The following UVRAG variants were observed in gnomAD, a reference collection of about 807,000 sequenced individuals.
UVRAG encodes the protein UV radiation resistance associated, also known as UV radiation resistance-associated gene protein.
A neutral mutation model predicts 78.0 loss-of-function variants in UVRAG; 19 were observed. That is an observed-to-expected ratio of 0.24 (90% CI 0.17 to 0.36). UVRAG has a LOEUF of 0.36. Among genes scored for constraint, UVRAG ranks in the 10% least tolerant of loss-of-function variants. The probability of loss-of-function intolerance (pLI) is 1.00; values close to 1 mark genes in which losing one functional copy is unlikely to be tolerated. For synonymous variants in UVRAG, 323 were observed against 324.6 expected, an observed-to-expected ratio of 1.00 and a Z score of 0.05; for missense variants, 740 against 853.8, an observed-to-expected ratio of 0.87 and a Z score of 1.66.
chr11:75,828,467 C>CCAGTCTGAT (rs1329893017), intron 1 of UVRAG, among the ~76,000 whole-genome samples: 1 of 147,546 alleles, frequency 6.8e-6, no homozygotes, highest in African/African-American at 2.5e-5. Flanking sequence ...AAAAAAGACA[C>CCAGTCTGAT]CAGTCTGATG....
intron 8 of UVRAG, among the ~76,000 whole-genome samples, chr11:75,985,126 T>C (rs1949472928): frequency 6.6e-6 from 1 of 151,944 alleles, no homozygotes; most frequent in East Asian, 1.9e-4. Flanking sequence ...TGTTGCTCCT[T>C]CCTACATCCT....
chr11:76,005,028 A>G (rs992850258), intron 9 of UVRAG, among the ~76,000 whole-genome samples: 1 of 152,070 alleles, frequency 6.6e-6, no homozygotes, highest in South Asian at 2.1e-4. Flanking sequence ...TCTTCAAAAA[A>G]CTTTAGCAGT....
At chr11:75,832,606 G>A (rs888286659) in intron 1 of UVRAG, among the ~76,000 whole-genome samples, 2 of 152,112 alleles carry the variant, frequency 1.3e-5, no homozygotes, top group African/African-American at 4.8e-5. Flanking sequence ...CTCTGTTTAG[G>A]GTTTCAGGGA....
intron 13 of UVRAG, among the ~76,000 whole-genome samples, chr11:76,102,063 CCT>C (rs1331259777): frequency 6.6e-6 from 1 of 152,000 alleles, no homozygotes; most frequent in African/African-American, 2.4e-5. Context: ...GGCTATTCAG[CCT>C]CTTTTTTGGT....
intron 6 of UVRAG, among the ~76,000 whole-genome samples, chr11:75,952,617 A>G (rs1054495834): frequency 1.3e-5 from 2 of 152,144 alleles, no homozygotes; most frequent in Admixed American, 6.5e-5. Flanking sequence ...ACAGAATGGT[A>G]TAACCTACTC....
At chr11:76,053,166 T>C (rs1488826629) in intron 12 of UVRAG, among the ~76,000 whole-genome samples, 3 of 151,332 alleles carry the variant, frequency 2.0e-5, no homozygotes, top group Non-Finnish European at 4.4e-5. Context: ...ATTAGCTGGG[T>C]ATGGTGGTGT....
At chr11:76,059,328 T>C (rs11236609) in intron 12 of UVRAG, among the ~76,000 whole-genome samples, 3,396 of 152,326 alleles carry the variant, frequency 0.022, 56 homozygotes, top group Non-Finnish European at 0.033. Flanking sequence ...AAAAACTATG[T>C]CTTTTCTGTT....
intron 12 of UVRAG, among the ~76,000 whole-genome samples, chr11:76,038,288 C>T (rs542921633): frequency 3.4e-4 from 51 of 151,852 alleles, no homozygotes; most frequent in African/African-American, 1.2e-3. Flanking sequence ...TAACACAGTT[C>T]ATGAAAATGG....
At chr11:76,095,789 T>A (rs945209417) in intron 13 of UVRAG, among the ~76,000 whole-genome samples, 2 of 148,934 alleles carry the variant, frequency 1.3e-5, no homozygotes, top group African/African-American at 5.0e-5. Flanking sequence ...CAAGATTGCT[T>A]GAGCCCAATA....
chr11:76,118,816 C>T (rs917776566), intron 14 of UVRAG, among the ~76,000 whole-genome samples: 1 of 152,108 alleles, frequency 6.6e-6, no homozygotes, highest in Non-Finnish European at 1.5e-5. Context: ...ATTGAGCAAA[C>T]ATGATGAGGT....
chr11:75,984,617 A>C (rs959634635), intron 8 of UVRAG, among the ~76,000 whole-genome samples: 12 of 152,194 alleles, frequency 7.9e-5, no homozygotes, highest in Non-Finnish European at 1.8e-4. Flanking sequence ...ATCTCAATCA[A>C]GAAACAGGAC....
chr11:76,049,224 A>T (rs1950818391), intron 12 of UVRAG, among the ~76,000 whole-genome samples: 1 of 152,220 alleles, frequency 6.6e-6, no homozygotes, highest in Non-Finnish European at 1.5e-5. Flanking sequence ...TGGGGCTGGA[A>T]TCTGACCCTG....
intron 6 of UVRAG, among the ~76,000 whole-genome samples, chr11:75,960,654 C>T (rs773670022): frequency 2.0e-5 from 3 of 152,038 alleles, no homozygotes; most frequent in Non-Finnish European, 4.4e-5. Context: ...GTAGTCCCAG[C>T]TATTTGGGGG....
intron 12 of UVRAG, 46 bp downstream of exon 12, chr11:76,017,026 A>G (rs1193908424): frequency 6.3e-6 from 9 of 1,435,030 alleles, no homozygotes; most frequent in Non-Finnish European, 8.5e-6. Flanking sequence ...TCAAGCCAGT[A>G]TAAAACATGG....
At chr11:76,085,012 C>G (rs1036936123) in intron 13 of UVRAG, among the ~76,000 whole-genome samples, 5 of 141,850 alleles carry the variant, frequency 3.5e-5, no homozygotes, top group African/African-American at 1.3e-4. Flanking sequence ...TGCAGTGAGC[C>G]GAGATTGCAC....
chr11:76,038,765 A>C (rs1950587092), intron 12 of UVRAG, among the ~76,000 whole-genome samples: 1 of 152,234 alleles, frequency 6.6e-6, no homozygotes, highest in African/African-American at 2.4e-5. Flanking sequence ...CAAGAAAGCA[A>C]ACAGAACTCC....
At chr11:76,089,842 TTC>T (rs1450512144) in intron 13 of UVRAG, among the ~76,000 whole-genome samples, 1 of 152,132 alleles carries the variant, frequency 6.6e-6, no homozygotes, top group Non-Finnish European at 1.5e-5. Context: ...CATATCCCCT[TTC>T]TGTTCCCCCA....
chr11:75,936,568 T>C (rs1321732270), intron 6 of UVRAG, among the ~76,000 whole-genome samples: 1 of 152,214 alleles, frequency 6.6e-6, no homozygotes, highest in Non-Finnish European at 1.5e-5. Flanking sequence ...CACTCCAGAT[T>C]TGGCCATGGG....
chr11:75,904,703 A>G (rs542854119), intron 5 of UVRAG, among the ~76,000 whole-genome samples: 1 of 152,232 alleles, frequency 6.6e-6, no homozygotes, highest in Non-Finnish European at 1.5e-5. Flanking sequence ...CTCAGTTTCC[A>G]CACCTTTAAA....
Sources: gnomAD v4.1 joint callset for allele counts (sites outside exome capture counted in the v4.1 genomes callset) on GRCh38, gnomAD v4.1.1 for gene constraint, MANE v1.5 for transcripts, NCBI Gene and HGNC (gene_info 2026-07-23, HGNC 2026-07-21) for gene names.